SPIRE1: variants seen among roughly 807,000 people sequenced by gnomAD.
SPIRE1 encodes protein spire homolog 1.
Under a neutral mutation model 94.1 loss-of-function variants are expected in SPIRE1, and 40 were observed. The ratio of observed to expected loss-of-function variants is 0.43; its 90% CI spans 0.33 to 0.55. SPIRE1 has a LOEUF of 0.55. SPIRE1 is among the 20% of genes least tolerant of loss of function. The pLI is 0.06. For synonymous variants in SPIRE1, 376 were observed against 371.7 expected, an observed-to-expected ratio of 1.01 and a Z score of -0.13; for missense variants, 838 against 975.2, an observed-to-expected ratio of 0.86 and a Z score of 1.87.
intron 2 of SPIRE1, among the ~76,000 whole-genome samples, chr18:12,598,945 T>C (rs889648350): frequency 1.1e-4 from 16 of 152,200 alleles, no homozygotes; most frequent in African/African-American, 3.6e-4. Context: ...CTCAAAAATA[T>C]ACAGAAATTA....
At chr18:12,459,711 T>C in intron 12 of SPIRE1, 1 of 976,008 alleles carries the variant, frequency 1.0e-6, no homozygotes, top group African/African-American at 1.8e-5. Context: ...CCGTCAGAGA[T>C]ACAGAGAATG....
chr18:12,530,238 C>T lies in SPIRE1; in HGVS notation c.729+5238G>A, dbSNP rs149488942. 4.1e-4 allele frequency among the ~76,000 whole-genome samples: 63 copies of T among 152,152 alleles called. No individual in the cohort carries two copies. In the East Asian group the frequency reaches 4.8e-3, roughly 12 times the overall value. ...TTATCTATATACACTTTGCCTACAACGTAAGACTAATAACAAAAATGAGGA... is the reference window on the plus strand; with the variant it reads ...TTATCTATATACACTTTGCCTACAATGTAAGACTAATAACAAAAATGAGGA... On this transcript the variant is annotated intron_variant, in intron 4 of 16. Transcript: ENST00000409402.
intron 13 of SPIRE1, among the ~76,000 whole-genome samples, 155 bp downstream of exon 13, chr18:12,454,191 C>T (rs531502781): frequency 1.3e-5 from 2 of 152,172 alleles, no homozygotes; most frequent in African/African-American, 2.4e-5. Context: ...GTGAACGAGA[C>T]AGCACATGTA....
At chr18:12,545,646 C>T (rs1302925122) in intron 3 of SPIRE1, among the ~76,000 whole-genome samples, 1 of 152,106 alleles carries the variant, frequency 6.6e-6, no homozygotes. Context: ...AAGTACATAG[C>T]AAAATTTAAA....
intron 13 of SPIRE1, 139 bp from the exon 14 acceptor site, chr18:12,453,277 T>C (rs1275799858): frequency 3.6e-6 from 2 of 556,438 alleles, no homozygotes; most frequent in African/African-American, 3.8e-5. Context: ...AAATCCTGTT[T>C]ATAACAGCTG....
chr18:12,526,957 C>T (rs1168035831), intron 4 of SPIRE1, among the ~76,000 whole-genome samples: 1 of 152,088 alleles, frequency 6.6e-6, no homozygotes, highest in East Asian at 1.9e-4. Context: ...ATCCACCCGC[C>T]TCACCCTCCC....
chr18:12,591,611 T>G (rs1392350480), intron 2 of SPIRE1, among the ~76,000 whole-genome samples: 1 of 152,214 alleles, frequency 6.6e-6, no homozygotes, highest in East Asian at 1.9e-4. Context: ...CAAACGCATT[T>G]GCTAATACAT....
intron 6 of SPIRE1, among the ~76,000 whole-genome samples, chr18:12,505,894 C>T (rs1422598452): frequency 1.3e-5 from 2 of 152,016 alleles, no homozygotes; most frequent in South Asian, 4.2e-4. Context: ...TAAAACAAAG[C>T]ATTCTATATT....
rs1434472639 is a variant in SPIRE1, at chr18:12,452,689, T to C, written c.1848-177A>G. The C allele has an allele frequency of 8.8e-6, 6 of 682,934 alleles. No individual in the cohort carries two copies. In the East Asian group the frequency reaches 1.3e-4, roughly 15 times the overall value. 42.3% of individuals were successfully genotyped at this position (682,934 alleles called of 1,614,324 possible). On this transcript the variant is annotated intron_variant, in intron 14 of 16. Transcript: ENST00000409402. ...TTGCCAAAAAGATAATCTACAGAAC[T>C]TAACTCTTACACTGTCTCCTATAAA...
chr18:12,632,366 C>T (rs1363383591), intron 2 of SPIRE1, among the ~76,000 whole-genome samples: 1 of 152,106 alleles, frequency 6.6e-6, no homozygotes, highest in African/African-American at 2.4e-5. Flanking sequence ...CCACCACCAC[C>T]AAATGGCCCA....
chr18:12,561,589 A>G (rs1463156994), intron 2 of SPIRE1, among the ~76,000 whole-genome samples: 1 of 152,074 alleles, frequency 6.6e-6, no homozygotes, highest in Non-Finnish European at 1.5e-5. Flanking sequence ...TACCAAGACC[A>G]CCATCAGCAC....
In SPIRE1 at chr18:12,451,417, T is replaced by G. The variant is rs28452930; in HGVS notation, c.2012+838A>C. Among the ~76,000 whole-genome samples the G allele has an allele frequency of 5.3e-3, 801 of 152,314 alleles. 4 individuals carry two copies. The highest frequency in any genetic ancestry group is 0.018 in the African/African-American group (758 of 41,566). Reference sequence around the variant, plus strand: ...CTGAGATAACCAGGAATCATCTACTTATTTACTATTTTAACTAAACCAAAC... The same window carrying G: ...CTGAGATAACCAGGAATCATCTACTGATTTACTATTTTAACTAAACCAAAC... On this transcript the variant is annotated intron_variant, in intron 16 of 16. Transcript: ENST00000409402.
intron 2 of SPIRE1, among the ~76,000 whole-genome samples, chr18:12,576,571 G>A (rs1343495353): frequency 9.5e-6 from 1 of 105,712 alleles, no homozygotes; most frequent in African/African-American, 3.8e-5. Context: ...ATCAGAAGGA[G>A]ACTCCATCTC....
At chr18:12,597,259 C>A (rs1311747342) in intron 2 of SPIRE1, among the ~76,000 whole-genome samples, 2 of 151,424 alleles carry the variant, frequency 1.3e-5, no homozygotes, top group South Asian at 2.1e-4. Flanking sequence ...TTATTTATAA[C>A]CCCCCAAAGT....
rs544962953 is a variant in SPIRE1 at position 12,636,383 on chromosome 18, T to C, written c.338-1287A>G. ...CCTTGTTATTTTTTTAGTACTTAAC[T>C]AGAATTTCTATGCCTCAGACTGTAT... is the stretch of plus-strand genomic sequence containing the variant. On this transcript the variant is annotated intron_variant, in intron 1 of 16. Coordinates refer to ENST00000409402, the MANE Select transcript of SPIRE1 (RefSeq NM_001128626.2). 4 of 152,264 alleles carry C rather than the reference T, an allele frequency of 2.6e-5. No individual in the cohort carries two copies. In the East Asian group the frequency reaches 7.7e-4, roughly 29 times the overall value. The allele number at this position is 152,264 out of a possible 1,614,324, so 9.4% of individuals were successfully genotyped here. A position where few individuals can be genotyped will look rare whatever the true frequency, so the allele number is the denominator to read the frequency against.
intron 3 of SPIRE1, among the ~76,000 whole-genome samples, chr18:12,545,034 G>A (rs1321301071): frequency 1.3e-5 from 2 of 152,090 alleles, no homozygotes; most frequent in Admixed American, 6.6e-5. Context: ...TGTATGAGTG[G>A]TTTTGCTACT....
At chr18:12,657,116 G>A (rs1332281256) in intron 1 of SPIRE1, among the ~76,000 whole-genome samples, 3 of 152,224 alleles carry the variant, frequency 2.0e-5, no homozygotes, top group African/African-American at 7.2e-5. Flanking sequence ...AGCCTGCGAT[G>A]CCCTCCCCAC....
At position 12,479,826 on chromosome 18, in the gene SPIRE1, A is replaced by G. The variant is rs766566442; in HGVS notation, c.1277T>C (p.Met426Thr). The G allele has an allele frequency of 3.7e-6, 6 of 1,614,174 alleles. No individual in the cohort carries two copies. The highest frequency in any genetic ancestry group is 1.7e-5 in the Admixed American group (1 of 60,012). The change falls in exon 10 of 17, where the codon ATG (methionine) becomes ACG (threonine). Residue 426 changes from methionine (M) to threonine (T), a missense_variant. Met to Thr is a moderately conservative substitution (Grantham distance 81). Around this residue, in one of 2 missense-constraint regions of SPIRE1, gnomAD observed 645 missense variants for 804.7 expected, o/e 0.80. Coordinates refer to ENST00000409402, the MANE Select transcript of SPIRE1 (RefSeq NM_001128626.2). ...TTGTGATGTCAAACCTCCATTCACC[A>G]TAGATGACTCCACAAGATTCTTTGT... Reference protein sequence around the residue: ...ESTKNLVESSMVNGGLTSQTK... With the variant: ...ESTKNLVESSTVNGGLTSQTK...
At chr18:12,658,214 C>G (rs1210591064), upstream of SPIRE1, 24 of 576,242 alleles carry the variant, frequency 4.2e-5, no homozygotes, top group African/African-American at 4.1e-5. Flanking sequence ...AGGTGAGGAC[C>G]AGGCAGGAGG....
Sources: gnomAD v4.1 joint callset for allele counts (sites outside exome capture counted in the v4.1 genomes callset) on GRCh38, gnomAD v4.1.1 for gene constraint, gnomAD v4.1.1 regional missense constraint, MANE v1.5 for transcripts, NCBI Gene and HGNC (gene_info 2026-07-23, HGNC 2026-07-21) for gene names.